The following ZFPM2 variants were observed in gnomAD, a reference collection of about 807,000 sequenced individuals.
ZFPM2 encodes the protein zinc finger protein ZFPM2.
In ZFPM2, 20 loss-of-function variants were observed where a neutral mutation model predicts 98.6. The observed-to-expected ratio is 0.20, with a 90% CI of 0.14 to 0.29. The LOEUF is 0.29. Among genes scored for constraint, ZFPM2 ranks in the 10% least tolerant of loss-of-function variants. ZFPM2 has a pLI of 1.00. For missense variants in ZFPM2, 1,310 were observed against 1,388.6 expected (o/e 0.94, Z 0.90); for synonymous variants, 518 against 502.7 (o/e 1.03, Z -0.41).
chr8:105,708,028 G>T (rs1811301928), intron 5 of ZFPM2, among the ~76,000 whole-genome samples: 1 of 152,146 alleles, frequency 6.6e-6, no homozygotes, highest in Non-Finnish European at 1.5e-5. Flanking sequence ...CACCCTAACT[G>T]CGAGAGAGGC....
chr8:105,475,613 G>C (rs1249273490), intron 3 of ZFPM2, among the ~76,000 whole-genome samples: 1 of 152,120 alleles, frequency 6.6e-6, no homozygotes, highest in Non-Finnish European at 1.5e-5. Flanking sequence ...AGATAAATTT[G>C]GATATGCATG....
chr8:105,519,949 G>A lies in ZFPM2; in HGVS notation c.302-41414G>A, dbSNP rs554628334. 2.9e-3 allele frequency among the ~76,000 whole-genome samples: 448 copies of A among 152,106 alleles called. 2 individuals are homozygous for A. The highest frequency in any genetic ancestry group is 0.01 in the African/African-American group (434 of 41,518). Reference sequence around the variant, plus strand: ...ATGAGAATGCCTGTAGGAAAAATACGTTTGTGCTGGCCTAAAATTCTCCAG... The same window carrying A: ...ATGAGAATGCCTGTAGGAAAAATACATTTGTGCTGGCCTAAAATTCTCCAG... On this transcript the variant is annotated intron_variant, in intron 3 of 7. Coordinates refer to ENST00000407775, the MANE Select transcript of ZFPM2 (RefSeq NM_012082.4).
chr8:105,411,166 T>A (rs1811569172), intron 1 of ZFPM2, among the ~76,000 whole-genome samples: 1 of 151,884 alleles, frequency 6.6e-6, no homozygotes, highest in African/African-American at 2.4e-5. Context: ...AAAATCCTTA[T>A]TTTGGTAAAT....
Position 105,802,683 on chromosome 8 carries a change from A to C in ZFPM2, c.2601A>C (p.Glu867Asp), listed in dbSNP as rs1197883683. The change falls in exon 8 of 8, where the codon GAA (glutamate) becomes GAC (aspartate). Residue 867 changes from glutamate to aspartate, a missense_variant. Glu to Asp is a conservative substitution (Grantham distance 45). Coordinates refer to ENST00000407775, the MANE Select transcript of ZFPM2 (RefSeq NM_012082.4). ...GCAAGATCAGTTTCAATAAGGTAGA[A>C]AACTATCTGGCCCACAAGCAGAATT... ...TVCKISFNKV[E>D]NYLAHKQNFC... is the part of the protein sequence containing the mutation. The C allele has an allele frequency of 1.2e-6, 2 of 1,611,300 alleles. No homozygotes were observed. Among genetic ancestry groups the C allele is most frequent in the Admixed American group, 3.4e-5 (2 of 59,604 alleles).
rs796476520 is a variant in ZFPM2, at chr8:105,507,706, G to A, written c.302-53657G>A. On this transcript the variant is annotated intron_variant, in intron 3 of 7. Coordinates refer to ENST00000407775, the MANE Select transcript of ZFPM2 (RefSeq NM_012082.4). The stretch of plus-strand genomic sequence containing the variant: ...TTCATTCTCAGGTGGTTTCACTACA[G>A]TGTGCAAAAACGGCCCAACCAATAG... 4.9e-4 allele frequency among the ~76,000 whole-genome samples: 74 copies of A among 152,288 alleles called. 1 individual carries two copies. The highest frequency in any genetic ancestry group is 1.7e-3 in the African/African-American group (71 of 41,554).
chr8:105,490,968 A>G (rs1813345264), intron 3 of ZFPM2, among the ~76,000 whole-genome samples: 2 of 152,316 alleles, frequency 1.3e-5, no homozygotes, highest in South Asian at 2.1e-4. Flanking sequence ...TTAAAAGGTC[A>G]TCTTTATATC....
chr8:105,608,400 G>C (rs1161951054), intron 4 of ZFPM2, among the ~76,000 whole-genome samples: 2 of 151,990 alleles, frequency 1.3e-5, no homozygotes, highest in Non-Finnish European at 2.9e-5. Context: ...TTACACTTCT[G>C]ATCATTAACT....
intron 3 of ZFPM2, among the ~76,000 whole-genome samples, chr8:105,466,526 G>T (rs1276474516): frequency 6.6e-6 from 1 of 151,906 alleles, no homozygotes; most frequent in Admixed American, 6.6e-5. Flanking sequence ...TCACCTTATT[G>T]TGCCTTTTAA....
At chr8:105,614,942 C>A (rs1163604684) in intron 4 of ZFPM2, among the ~76,000 whole-genome samples, 4 of 152,118 alleles carry the variant, frequency 2.6e-5, no homozygotes, top group African/African-American at 9.7e-5. Flanking sequence ...TATCAACTGG[C>A]CTTATCATTG....
intron 1 of ZFPM2, among the ~76,000 whole-genome samples, chr8:105,413,482 T>TTATATATATATATA (rs200856542): frequency 1.6e-4 from 23 of 140,012 alleles, no homozygotes; most frequent in African/African-American, 5.5e-4. Flanking sequence ...AATTCAAACA[T>TTATATATATATATA]TATATATATA....
chr8:105,731,181 C>A (rs1277093818), intron 5 of ZFPM2, among the ~76,000 whole-genome samples: 1 of 151,716 alleles, frequency 6.6e-6, no homozygotes, highest in Non-Finnish European at 1.5e-5. Context: ...AGGATAAAAA[C>A]CACCAAGTTA....
chr8:105,422,389 C>T (rs769639443), intron 2 of ZFPM2, among the ~76,000 whole-genome samples: 57 of 152,040 alleles, frequency 3.7e-4, no homozygotes, highest in East Asian at 9.7e-4. Context: ...TACAGACAGC[C>T]GAGATTGAGC....
intron 5 of ZFPM2, among the ~76,000 whole-genome samples, chr8:105,765,864 G>A (rs1812842172): frequency 1.3e-5 from 2 of 151,776 alleles, no homozygotes; most frequent in South Asian, 2.1e-4. Context: ...TGAAATTTTT[G>A]GCAAATATTT....
intron 6 of ZFPM2, among the ~76,000 whole-genome samples, chr8:105,792,096 C>A (rs1813632613): frequency 6.6e-6 from 1 of 152,004 alleles, no homozygotes; most frequent in Non-Finnish European, 1.5e-5. Context: ...TCCTTCAGTT[C>A]TGCTCTGATT....
intron 1 of ZFPM2, among the ~76,000 whole-genome samples, chr8:105,332,841 A>G (rs1812257526): frequency 6.6e-6 from 1 of 151,672 alleles, no homozygotes; most frequent in South Asian, 2.1e-4. Flanking sequence ...GTTAAGGAGC[A>G]TGGTATTTTC....
chr8:105,580,777 A>C (rs1185665665), intron 4 of ZFPM2, among the ~76,000 whole-genome samples: 1 of 151,040 alleles, frequency 6.6e-6, no homozygotes, highest in Non-Finnish European at 1.5e-5. Context: ...AAGAATAGTA[A>C]CAGTGCAAGT....
At chr8:105,347,182 G>A (rs1325861797) in intron 1 of ZFPM2, among the ~76,000 whole-genome samples, 3 of 151,492 alleles carry the variant, frequency 2.0e-5, no homozygotes, top group African/African-American at 7.3e-5. Context: ...CGTATTGAAG[G>A]CACTTTTTAT....
intron 3 of ZFPM2, among the ~76,000 whole-genome samples, chr8:105,514,302 C>T (rs1312365211): frequency 7.8e-5 from 10 of 128,542 alleles, no homozygotes; most frequent in Non-Finnish European, 1.4e-4. Context: ...CGTTCCTGGT[C>T]GTGTCTTTTT....
chr8:105,645,382 T>C (rs1817024138), intron 5 of ZFPM2, among the ~76,000 whole-genome samples: 1 of 152,234 alleles, frequency 6.6e-6, no homozygotes, highest in African/African-American at 2.4e-5. Context: ...ATAGTCATTC[T>C]TTTATCTCTG....
Sources: allele counts gnomAD v4.1 joint callset (sites outside exome capture counted in the v4.1 genomes callset), GRCh38; gene constraint gnomAD v4.1.1; transcripts MANE v1.5; gene names NCBI Gene and HGNC (gene_info 2026-07-23, HGNC 2026-07-21).